ACAD9: variants seen among roughly 807,000 people sequenced by gnomAD.
ACAD9 encodes acyl-CoA dehydrogenase family member 9.
Under a neutral mutation model 70.2 loss-of-function variants are expected in ACAD9, and 53 were observed. The ratio of observed to expected loss-of-function variants is 0.75; its 90% CI spans 0.61 to 0.95. ACAD9 has a LOEUF of 0.95. Among genes scored for constraint, ACAD9 ranks in the 40% least tolerant of loss-of-function variants. The probability of loss-of-function intolerance (pLI) is 0.00; values close to 1 mark genes in which losing one functional copy is unlikely to be tolerated. For synonymous variants in ACAD9, 313 were observed against 312.1 expected (o/e 1.00, Z -0.03); for missense variants, 777 against 802.8 (o/e 0.97, Z 0.39).
chr3:128,879,628 T>C lies in ACAD9; in HGVS notation c.-64T>C, dbSNP rs1212235491. 10 of 760,492 alleles carry C rather than the reference T, an allele frequency of 1.3e-5. No individual in the cohort carries two copies. Among genetic ancestry groups the C allele is most frequent in the Non-Finnish European group, 1.7e-5 (10 of 589,642 alleles). The allele number at this position is 760,492 out of a possible 1,614,324, so 47.1% of individuals were successfully genotyped here. A position where few individuals can be genotyped will look rare whatever the true frequency, so the allele number is the denominator to read the frequency against. On this transcript the variant is annotated 5_prime_UTR_variant, in exon 1 of 18. Coordinates refer to ENST00000308982, the MANE Select transcript of ACAD9 (RefSeq NM_014049.5). ...CGCGGGCCAGTAACGTCATCAGACGTGTGTGTGTCCCTGCGGCGCTAAGAA... is the reference window on the plus strand; with the variant it reads ...CGCGGGCCAGTAACGTCATCAGACGCGTGTGTGTCCCTGCGGCGCTAAGAA...
At chr3:128,911,146 T>A (rs1213405688) in intron 17 of ACAD9, among the ~76,000 whole-genome samples, 2 of 152,256 alleles carry the variant, frequency 1.3e-5, no homozygotes, top group Non-Finnish European at 2.9e-5. Context: ...AAACTCCACC[T>A]CTTGGGTTCA....
At position 128,910,686 on chromosome 3, in the gene ACAD9, C is replaced by G. The variant is rs909857752; in HGVS notation, c.1693-55C>G. 2.5e-6 allele frequency: 4 copies of G among 1,601,086 alleles called. No homozygotes were observed. In the East Asian group the frequency reaches 8.9e-5, roughly 36 times the overall value. On this transcript the variant is annotated intron_variant, in intron 16 of 17. Transcript: ENST00000308982. ...GCTGATAGGCTGGGTTTTTGAAGCT[C>G]AGAGGTCTGATTCCAGGAATTTGGG...
At chr3:128,895,221 T>G in intron 3 of ACAD9, 89 bp from the exon 4 acceptor site, 1 of 1,000,590 alleles carries the variant, frequency 1.0e-6, no homozygotes, top group South Asian at 1.4e-5. Context: ...GGCATTACTT[T>G]ATAATCAGAA....
rs764917653 is a variant in ACAD9, at chr3:128,906,206, A to T, written c.1235A>T (p.Tyr412Phe). 3.8e-5 allele frequency: 61 copies of T among 1,614,076 alleles called. No individual in the cohort carries two copies. The highest frequency in any genetic ancestry group is 5.1e-5 in the Non-Finnish European group (60 of 1,180,046). The change falls in exon 12 of 18, where the codon TAC becomes TTC. Residue 412 changes from tyrosine to phenylalanine, a missense_variant. By Grantham distance (22) the Tyr-to-Phe change is conservative. Transcript: ENST00000308982. ...GGLGYTRDYPYERILRDTRIL... is the reference protein window; with the variant it reads ...GGLGYTRDYPFERILRDTRIL... ...TTGGGCTACACAAGGGACTATCCGTACGAGCGCATACTGCGTGACACCCGC... is the reference window on the plus strand; with the variant it reads ...TTGGGCTACACAAGGGACTATCCGTTCGAGCGCATACTGCGTGACACCCGC...
rs760642488 is a variant in ACAD9, at chr3:128,899,332, G to A, written c.679G>A (p.Ala227Thr). 6.2e-7 allele frequency: 1 copy of A among 1,614,250 alleles called. No individual in the cohort carries two copies. The highest frequency in any genetic ancestry group is 1.3e-5 in the African/African-American group (1 of 75,078). The part of the protein sequence containing the change: ...GGLANIFTVF[A>T]KTEVVDSDGS... The stretch of plus-strand genomic sequence containing the variant: ...ACTGGCCAATATTTTTACTGTGTTT[G>A]CAAAGACTGAGGTCGTTGATTCTGA... Residue 227 changes from alanine (A) to threonine (T), a missense_variant, in exon 7 of 18, where the codon GCA becomes ACA. Ala to Thr is a moderately conservative substitution (Grantham distance 58, BLOSUM62 0). Transcript: ENST00000308982.
chr3:128,890,288 G>T (rs1002168303), intron 2 of ACAD9, among the ~76,000 whole-genome samples: 1 of 152,128 alleles, frequency 6.6e-6, no homozygotes, highest in African/African-American at 2.4e-5. Context: ...GCTTCACCAT[G>T]TTGGCCAGGC....
intron 4 of ACAD9, 37 bp from the exon 5 acceptor site, chr3:128,896,399 C>T (rs1576338444): frequency 6.3e-7 from 1 of 1,589,998 alleles, no homozygotes; most frequent in Non-Finnish European, 8.6e-7. Context: ...CTCCTTTCTC[C>T]CCACAGCTGA....
intron 11 of ACAD9, 135 bp downstream of exon 11, chr3:128,904,640 C>A: frequency 7.1e-7 from 1 of 1,417,508 alleles, no homozygotes; most frequent in South Asian, 1.3e-5. Flanking sequence ...TGCACTTGCC[C>A]TGTGTAGCAC....
chr3:128,912,278 T>G (rs2107671062), intron 17 of ACAD9, among the ~76,000 whole-genome samples: 1 of 152,240 alleles, frequency 6.6e-6, no homozygotes, highest in African/African-American at 2.4e-5. Flanking sequence ...CCATGAGATC[T>G]GGGGGTTAGA....
At chr3:128,896,386 G>T (rs1487269393) in intron 4 of ACAD9, 50 bp from the exon 5 acceptor site, 4 of 1,547,070 alleles carry the variant, frequency 2.6e-6, no homozygotes, top group Non-Finnish European at 8.9e-7. Flanking sequence ...AACACCTCAT[G>T]CTCTCCTTTC....
intron 2 of ACAD9, 75 bp downstream of exon 2, chr3:128,884,821 C>T: frequency 8.7e-7 from 1 of 1,152,184 alleles, no homozygotes; most frequent in Non-Finnish European, 1.3e-6. Flanking sequence ...TTAGAAGTGA[C>T]ATACATAGGA....
At chr3:128,910,605 A>T in intron 16 of ACAD9, 136 bp from the exon 17 acceptor site, 2 of 968,780 alleles carry the variant, frequency 2.1e-6, no homozygotes, top group Non-Finnish European at 3.3e-6. Flanking sequence ...ATTAGAACCC[A>T]AGACGGGGTG....
intron 7 of ACAD9, 65 bp downstream of exon 7, chr3:128,899,526 GTGTGTGT>G: frequency 1.2e-6 from 1 of 815,358 alleles, no homozygotes; most frequent in Non-Finnish European, 1.7e-6. Flanking sequence ...CTTTGACGGT[GTGTGTGT>G]GTGTGTGTGT....
chr3:128,899,293 A>G lies in ACAD9; in HGVS notation c.640A>G (p.Ile214Val). ...HYILNGSKVW[I>V]TNGGLANIFT... ...TCCATCTTTCTGTCCTCAGGTCTGGATTACTAATGGAGGACTGGCCAATAT... is the reference window on the plus strand; with the variant it reads ...TCCATCTTTCTGTCCTCAGGTCTGGGTTACTAATGGAGGACTGGCCAATAT... The change falls in exon 7 of 18, where the codon ATT becomes GTT. Residue 214 changes from isoleucine to valine, a missense_variant. Physicochemically the swap from Ile to Val is conservative, Grantham distance 29. Transcript: ENST00000308982. The G allele has an allele frequency of 6.2e-7, 1 of 1,614,212 alleles. No homozygotes were observed. Among genetic ancestry groups the G allele is most frequent in the African/African-American group, 1.3e-5 (1 of 75,070 alleles).
At chr3:128,882,264 G>A (rs1935116606) in intron 1 of ACAD9, among the ~76,000 whole-genome samples, 1 of 152,168 alleles carries the variant, frequency 6.6e-6, no homozygotes, top group South Asian at 2.1e-4. Flanking sequence ...ATCCCAAACT[G>A]AGTTCCTGGT....
intron 1 of ACAD9, among the ~76,000 whole-genome samples, chr3:128,883,102 TC>T (rs1156260441): frequency 6.6e-6 from 1 of 151,430 alleles, no homozygotes; most frequent in East Asian, 1.9e-4. Flanking sequence ...GTTTTTTTTT[TC>T]CTTGAGACAG....
At chr3:128,889,437 C>A (rs895693081) in intron 2 of ACAD9, among the ~76,000 whole-genome samples, 1 of 152,146 alleles carries the variant, frequency 6.6e-6, no homozygotes, top group Non-Finnish European at 1.5e-5. Flanking sequence ...AATCACCTGA[C>A]GCATGACTGT....
intron 17 of ACAD9, 129 bp from the exon 18 acceptor site, chr3:128,912,378 G>A: frequency 1.3e-6 from 1 of 749,094 alleles, no homozygotes; most frequent in South Asian, 1.5e-5. Context: ...GGGTCTGGAG[G>A]AGGGGTTCAC....
chr3:128,911,473 A>T (rs1936313823), intron 17 of ACAD9, among the ~76,000 whole-genome samples: 3 of 150,990 alleles, frequency 2.0e-5, no homozygotes, highest in Admixed American at 6.6e-5. Context: ...TCACTTTGTC[A>T]CCCAGGCTGG....
Sources: gnomAD v4.1 joint callset for allele counts (sites outside exome capture counted in the v4.1 genomes callset) on GRCh38, gnomAD v4.1.1 for gene constraint, MANE v1.5 for transcripts, NCBI Gene and HGNC (gene_info 2026-07-23, HGNC 2026-07-21) for gene names.